SMG7: variants seen among roughly 807,000 people sequenced by gnomAD.
The protein encoded by SMG7 is nonsense-mediated mRNA decay factor SMG7.
In SMG7, 34 loss-of-function variants were observed where a neutral mutation model predicts 148.2. The ratio of observed to expected loss-of-function variants is 0.23; its 90% CI spans 0.17 to 0.31. SMG7 has a LOEUF of 0.31. Among genes scored for constraint, SMG7 ranks in the 10% least tolerant of loss-of-function variants. SMG7 has a pLI of 1.00. For synonymous variants in SMG7, 492 were observed against 515.1 expected, an observed-to-expected ratio of 0.96 and a Z score of 0.61; for missense variants, 1,114 against 1,408.4, an observed-to-expected ratio of 0.79 and a Z score of 3.35.
intron 6 of SMG7, among the ~76,000 whole-genome samples, chr1:183,528,426 G>A (rs568225912): frequency 6.6e-6 from 1 of 152,156 alleles, no homozygotes; most frequent in Admixed American, 6.5e-5. Context: ...CTAGGCATTA[G>A]CAGTAGTTCT....
intron 1 of SMG7, among the ~76,000 whole-genome samples, chr1:183,473,474 T>G (rs1360385732): frequency 6.6e-6 from 1 of 152,004 alleles, no homozygotes; most frequent in East Asian, 1.9e-4. Flanking sequence ...GATGCACATT[T>G]CAGGATGAAG....
intron 1 of SMG7, chr1:183,507,979 T>C (rs1169651482): frequency 6.4e-6 from 1 of 157,424 alleles, no homozygotes; most frequent in Admixed American, 6.5e-5. Flanking sequence ...TATTTTGTTA[T>C]TGAAATCATG....
chr1:183,474,907 T>A (rs984628258), intron 1 of SMG7, among the ~76,000 whole-genome samples: 3 of 152,134 alleles, frequency 2.0e-5, no homozygotes, highest in African/African-American at 7.2e-5. Flanking sequence ...TGAGCAGAGT[T>A]ATGTAGGTAG....
intron 1 of SMG7, among the ~76,000 whole-genome samples, chr1:183,512,487 G>A (rs1662366263): frequency 2.0e-5 from 3 of 151,994 alleles, no homozygotes; most frequent in African/African-American, 7.3e-5. Context: ...AACATAGTAG[G>A]TTTTTTTGGC....
In SMG7 at chr1:183,526,531, G is replaced by A. The variant is rs146891325; in HGVS notation, c.313-65G>A. ...TGTGGTACTAGGTACACATCTTACAGTTTATAAACTTTACTTTTAGAGCAC... is the reference window on the plus strand; with the variant it reads ...TGTGGTACTAGGTACACATCTTACAATTTATAAACTTTACTTTTAGAGCAC... On this transcript the variant is annotated intron_variant, in intron 4 of 22. Coordinates refer to ENST00000688051, the MANE Select transcript of SMG7 (RefSeq NM_001375584.1). 4.7e-3 allele frequency: 5,082 copies of A among 1,088,810 alleles called. 27 individuals carry two copies. The highest frequency in any genetic ancestry group is 6.3e-3 in the South Asian group (438 of 69,320). The allele number at this position is 1,088,810 out of a possible 1,614,324, so 67.4% of individuals were successfully genotyped here.
chr1:183,478,933 T>C (rs2102047063), intron 1 of SMG7, among the ~76,000 whole-genome samples: 1 of 152,308 alleles, frequency 6.6e-6, no homozygotes, highest in Middle Eastern at 3.4e-3. Flanking sequence ...TCAAGCCATA[T>C]TTTAGTTTAG....
In SMG7 at chr1:183,476,233, T is replaced by C. The variant is rs12070262; in HGVS notation, c.29+3584T>C. On this transcript the variant is annotated intron_variant, in intron 1 of 22. Transcript: ENST00000688051. ...CTTCAGGGAGGATGCCGAGTATTGC[T>C]GAATGGATGTGGTTGGGGGGTGTAG... Among the ~76,000 whole-genome samples the C allele has an allele frequency of 5.9e-3, 894 of 152,310 alleles. 7 individuals carry two copies. Among genetic ancestry groups the C allele is most frequent in the African/African-American group, 0.019 (810 of 41,562 alleles).
chr1:183,497,542 G>A (rs1195453098), intron 1 of SMG7, among the ~76,000 whole-genome samples: 1 of 151,998 alleles, frequency 6.6e-6, no homozygotes, highest in Non-Finnish European at 1.5e-5. Flanking sequence ...TCTGCATCTG[G>A]TTTAATTTGT....
rs768928121 is a variant in SMG7 at position 183,549,769 on chromosome 1, A to T, written c.2979A>T (p.Arg993Ser). The T allele has an allele frequency of 6.2e-7, 1 of 1,613,384 alleles. No individual in the cohort carries two copies. The highest frequency in any genetic ancestry group is 1.1e-5 in the South Asian group (1 of 91,046). ...SLTGFSLNQE[R>S]YPNNSMFNEV... The stretch of plus-strand genomic sequence containing the variant: ...TTCACTGTCATGTCTTTCAGGAAAG[A>T]TACCCAAATAATAGTATGTTCAATG... Residue 993 changes from arginine (R) to serine (S), a missense_variant, in exon 20 of 23, where the codon AGA becomes AGT. This residue lies in a region of SMG7 where 788 missense variants were observed against 894.5 expected (regional missense o/e 0.88). Coordinates refer to ENST00000688051, the MANE Select transcript of SMG7 (RefSeq NM_001375584.1).
At chr1:183,493,552 T>C (rs1186654378) in intron 1 of SMG7, among the ~76,000 whole-genome samples, 1 of 152,218 alleles carries the variant, frequency 6.6e-6, no homozygotes, top group East Asian at 1.9e-4. Flanking sequence ...GGTTATAACC[T>C]TAGTGTTGGT....
chr1:183,488,682 C>CCT lies in SMG7; in HGVS notation c.29+16033_29+16034insCT, dbSNP rs1656125887. On this transcript the variant is annotated intron_variant, in intron 1 of 22. Transcript: ENST00000688051. ...CAGGAAAAGTAAAATGTTTATAAGGCTTTTTTTTTTTTTTTTTTTTTTTGA... is the reference window on the plus strand; with the variant it reads ...CAGGAAAAGTAAAATGTTTATAAGGCCTTTTTTTTTTTTTTTTTTTTTTTTGA... Among the ~76,000 whole-genome samples, 4 of 75,108 alleles carry CCT rather than the reference C, an allele frequency of 5.3e-5. 1 individual carries two copies. Among genetic ancestry groups the CCT allele is most frequent in the Admixed American group, 1.9e-4 (1 of 5,250 alleles). 49.3% of individuals were successfully genotyped at this position (75,108 alleles called of 152,430 possible). A position where few individuals can be genotyped will look rare whatever the true frequency, so the allele number is the denominator to read the frequency against.
chr1:183,510,032 CATACT>C (rs1281698129), intron 1 of SMG7, among the ~76,000 whole-genome samples: 2 of 152,102 alleles, frequency 1.3e-5, no homozygotes, highest in Non-Finnish European at 2.9e-5. Context: ...TGGATGTTAG[CATACT>C]GAAATGTTAC....
chr1:183,490,518 T>C (rs957020966), intron 1 of SMG7, among the ~76,000 whole-genome samples: 3 of 152,192 alleles, frequency 2.0e-5, no homozygotes, highest in African/African-American at 4.8e-5. Context: ...TATATCTGCA[T>C]TGAATAAAAT....
intron 1 of SMG7, among the ~76,000 whole-genome samples, chr1:183,506,361 G>A (rs1323339471): frequency 1.3e-5 from 2 of 152,090 alleles, no homozygotes; most frequent in African/African-American, 4.8e-5. Context: ...AGCTCCTTTA[G>A]GAGCAGCATC....
At chr1:183,544,747 A>G (rs1428645705) in intron 15 of SMG7, among the ~76,000 whole-genome samples, 183 bp from the exon 16 acceptor site, 1 of 152,206 alleles carries the variant, frequency 6.6e-6, no homozygotes, top group Non-Finnish European at 1.5e-5. Flanking sequence ...ACTTCAGTGG[A>G]TAGAGGAAAA....
In SMG7 at chr1:183,542,079, G is replaced by A; in HGVS notation, c.1419G>A (p.Leu473=). 6.2e-7 allele frequency: 1 copy of A among 1,607,522 alleles called. No homozygotes were observed. The highest frequency in any genetic ancestry group is 1.3e-5 in the African/African-American group (1 of 74,676). Residue 473 remains leucine (L), a synonymous_variant, in exon 14 of 23, where the codon CTG becomes CTA. Transcript: ENST00000688051. ...GGATTTATTTTTGCTTTTTTAGGCT[G>A]ATTCAGTGTGAAAATGAGGTAGGGA... ...GKWIADNQPR[L]IQCENEVGKL... is the part of the protein sequence containing the mutation.
chr1:183,495,725 G>A (rs1276179269), intron 1 of SMG7, among the ~76,000 whole-genome samples: 2 of 152,058 alleles, frequency 1.3e-5, no homozygotes, highest in African/African-American at 4.8e-5. Flanking sequence ...AAAATTAGCC[G>A]AGTGTGGTGG....
At chr1:183,508,152 G>A (rs991856806) in intron 1 of SMG7, 1 of 975,482 alleles carries the variant, frequency 1.0e-6, no homozygotes, top group Non-Finnish European at 1.2e-6. Context: ...TTCATTGATG[G>A]TTTTTATAAC....
In SMG7 at chr1:183,549,240, G is replaced by T; in HGVS notation, c.2925G>T (p.Met975Ile). The T allele has an allele frequency of 6.2e-7, 1 of 1,613,826 alleles. No homozygotes were observed. Among genetic ancestry groups the T allele is most frequent in the Non-Finnish European group, 8.5e-7 (1 of 1,179,802 alleles). The change falls in exon 19 of 23, where the codon ATG becomes ATT. Residue 975 changes from methionine (M) to isoleucine (I), a missense_variant. Around this residue, in one of 4 missense-constraint regions of SMG7, gnomAD observed 788 missense variants for 894.5 expected, o/e 0.88. Coordinates refer to ENST00000688051, the MANE Select transcript of SMG7 (RefSeq NM_001375584.1). ...KSLLEKPSEL[M>I]SHSSSFLSLT... Reference sequence around the variant, plus strand: ...TATTGGAGAAGCCCTCAGAGCTCATGTCACATTCATCCTCTTTCCTGTCCC... The same window carrying T: ...TATTGGAGAAGCCCTCAGAGCTCATTTCACATTCATCCTCTTTCCTGTCCC...
Sources: allele counts gnomAD v4.1 joint callset (sites outside exome capture counted in the v4.1 genomes callset), GRCh38; gene constraint gnomAD v4.1.1; regional missense constraint gnomAD v4.1.1; transcripts MANE v1.5; gene names NCBI Gene and HGNC (gene_info 2026-07-23, HGNC 2026-07-21).